Variants in ANKLE2 observed in about 807,000 individuals in gnomAD.
ANKLE2 encodes the protein ankyrin repeat and LEM domain-containing protein 2.
In ANKLE2, 55 loss-of-function variants were observed where a neutral mutation model predicts 84.2. That is an observed-to-expected ratio of 0.65 (90% CI 0.53 to 0.82). The LOEUF (loss-of-function observed/expected upper bound fraction) is 0.82, where lower values mean the gene tolerates loss of function less well. Ranked by LOEUF, ANKLE2 falls within the 40% of genes least tolerant of loss-of-function variation. The pLI, the probability that ANKLE2 is intolerant of heterozygous loss-of-function variation, is 0.00. For synonymous variants in ANKLE2, 551 were observed against 486.1 expected, an observed-to-expected ratio of 1.13 and a Z score of -1.76; for missense variants, 1,238 against 1,201.9, an observed-to-expected ratio of 1.03 and a Z score of -0.44.
intron 8 of ANKLE2, 131 bp from the exon 9 acceptor site, chr12:132,735,643 A>G (rs1447334856): frequency 2.8e-6 from 2 of 709,346 alleles, no homozygotes; most frequent in Non-Finnish European, 4.7e-6. Context: ...CTTCACTAGC[A>G]GATCCCTGGG....
chr12:132,737,201 T>G, intron 7 of ANKLE2, 136 bp from the exon 8 acceptor site: 1 of 915,072 alleles, frequency 1.1e-6, no homozygotes, highest in Non-Finnish European at 1.6e-6. Context: ...AGAGGGTGGT[T>G]TCCGCCAGAG....
chr12:132,740,201 T>C (rs1312219459), intron 7 of ANKLE2, among the ~76,000 whole-genome samples: 1 of 152,200 alleles, frequency 6.6e-6, no homozygotes, highest in Non-Finnish European at 1.5e-5. Context: ...TCAACGGCCC[T>C]GAGGAGGAAC....
At chr12:132,740,817 G>A (rs2044104814) in intron 7 of ANKLE2, among the ~76,000 whole-genome samples, 1 of 80,224 alleles carries the variant, frequency 1.2e-5, no homozygotes, top group Non-Finnish European at 3.8e-5. Flanking sequence ...AGAAAGCAAA[G>A]GCCTCTCTCC....
At chr12:132,750,536 C>A in intron 3 of ANKLE2, 107 bp downstream of exon 3, 1 of 1,223,654 alleles carries the variant, frequency 8.2e-7, no homozygotes, top group East Asian at 2.5e-5. Context: ...CCCATCGACT[C>A]TACCCTCATG....
chr12:132,749,041 A>AG (rs2044300261), intron 3 of ANKLE2: 1 of 152,118 alleles, frequency 6.6e-6, no homozygotes, highest in Non-Finnish European at 1.5e-5. Context: ...CAGTAGGTGG[A>AG]GGAGGAATAA....
rs369378222 is a variant in ANKLE2 at position 132,730,146 on chromosome 12, C to T, written c.2016G>A (p.Thr672=). ...SPPTVGAFGH[T]RCSAFPLEQE... Reference sequence around the variant, plus strand: ...GCTCCAAGGGGAAGGCGCTGCACCTCGTATGTCCAAAAGCACCGACTGTGG... The same window carrying T: ...GCTCCAAGGGGAAGGCGCTGCACCTTGTATGTCCAAAAGCACCGACTGTGG... Residue 672 remains threonine (T), a synonymous_variant, in exon 11 of 13, where the codon ACG becomes ACA. Transcript: ENST00000357997. The T allele has an allele frequency of 8.7e-6, 14 of 1,611,990 alleles. No individual in the cohort carries two copies. The highest frequency in any genetic ancestry group is 2.2e-5 in the East Asian group (1 of 44,874).
At chr12:132,746,492 A>G (rs1376179312) in intron 5 of ANKLE2, among the ~76,000 whole-genome samples, 1 of 152,164 alleles carries the variant, frequency 6.6e-6, no homozygotes, top group Non-Finnish European at 1.5e-5. Flanking sequence ...TACCTGTTCC[A>G]TGAGTTTTTA....
chr12:132,739,384 C>T (rs534738257), intron 7 of ANKLE2, among the ~76,000 whole-genome samples: 7 of 152,100 alleles, frequency 4.6e-5, no homozygotes, highest in Non-Finnish European at 7.4e-5. Flanking sequence ...TTACATATTA[C>T]TATCTTATAT....
intron 9 of ANKLE2, 131 bp downstream of exon 9, chr12:132,735,275 C>G (rs1006121835): frequency 4.7e-6 from 4 of 851,562 alleles, no homozygotes; most frequent in Non-Finnish European, 7.8e-6. Flanking sequence ...TAGACCTTCA[C>G]GAAAAGGACC....
In ANKLE2 at chr12:132,761,805, C is replaced by T. The variant is rs1195937844; in HGVS notation, c.-7G>A. ...CCAGCCGCGGCCACAGCATCGCCGCCGCCCGGGCCGCAGCCGCCGAGAAGC... is the reference window on the plus strand; with the variant it reads ...CCAGCCGCGGCCACAGCATCGCCGCTGCCCGGGCCGCAGCCGCCGAGAAGC... On this transcript the variant is annotated 5_prime_UTR_variant, in exon 1 of 13. Coordinates refer to ENST00000357997, the MANE Select transcript of ANKLE2 (RefSeq NM_015114.3). 1.8e-5 allele frequency: 19 copies of T among 1,057,100 alleles called. No individual in the cohort carries two copies. The East Asian group carries it at 1.2e-3, about 68-fold the overall frequency. 65.5% of individuals were successfully genotyped at this position (1,057,100 alleles called of 1,614,324 possible).
intron 12 of ANKLE2, 57 bp from the exon 13 acceptor site, chr12:132,727,500 C>G: frequency 6.9e-7 from 1 of 1,442,332 alleles, no homozygotes; most frequent in Admixed American, 2.3e-5. Context: ...AGATGAACAG[C>G]AAAAGTCGGA....
intron 2 of ANKLE2, among the ~76,000 whole-genome samples, chr12:132,751,668 G>A (rs972988559): frequency 1.1e-4 from 17 of 151,352 alleles, no homozygotes; most frequent in African/African-American, 3.9e-4. Flanking sequence ...TCAGCCTCCC[G>A]TGTAGCTGGG....
At position 132,726,933 on chromosome 12, in the gene ANKLE2, A is replaced by G. The variant is rs1306487783; in HGVS notation, c.*309T>C. 1 of 364,910 alleles carries G rather than the reference A, an allele frequency of 2.7e-6. No homozygotes were observed. The highest frequency in any genetic ancestry group is 2.1e-5 in the African/African-American group (1 of 48,650). 22.6% of individuals were successfully genotyped at this position (364,910 alleles called of 1,614,324 possible). On this transcript the variant is annotated 3_prime_UTR_variant, in exon 13 of 13. Transcript: ENST00000357997. The stretch of plus-strand genomic sequence containing the variant: ...GTAAGTACAGGGCTGCCTGCCTGCA[A>G]CTGCCTCAGCGCCCTTTCCTCTGCT...
rs758277914 is a variant in ANKLE2, at chr12:132,748,336, C to T, written c.848-5G>A. The T allele has an allele frequency of 6.2e-7, 1 of 1,613,732 alleles. No homozygotes were observed. Among genetic ancestry groups the T allele is most frequent in the Non-Finnish European group, 8.5e-7 (1 of 1,179,860 alleles). ...ATTCCGACAAGCACAAACCATCTGT[C>T]AGTAAGAGACAGAATTTAAGAACAA... On this transcript the variant is annotated splice_polypyrimidine_tract_variant and splice_region_variant and intron_variant, in intron 3 of 12. Transcript: ENST00000357997.
At chr12:132,733,598 A>G (rs1307970731) in intron 10 of ANKLE2, among the ~76,000 whole-genome samples, 31 of 102,758 alleles carry the variant, frequency 3.0e-4, no homozygotes, top group African/African-American at 6.1e-4. Flanking sequence ...AGCACTCTGC[A>G]TCCTGGTGTC....
chr12:132,747,233 C>A (rs114909817), intron 5 of ANKLE2, among the ~76,000 whole-genome samples: 1 of 151,978 alleles, frequency 6.6e-6, no homozygotes. Context: ...CACAGCCCTG[C>A]GTGTCAGGCA....
chr12:132,749,327 C>T (rs569388632), intron 3 of ANKLE2, among the ~76,000 whole-genome samples: 33 of 151,780 alleles, frequency 2.2e-4, no homozygotes, highest in Middle Eastern at 3.4e-3. Flanking sequence ...AGCTAATTTT[C>T]GTATTTTTAA....
At chr12:132,761,558 A>T in intron 1 of ANKLE2, 60 bp downstream of exon 1, 1 of 1,170,516 alleles carries the variant, frequency 8.5e-7, no homozygotes, top group Non-Finnish European at 1.1e-6. Flanking sequence ...AGGCCCGAGG[A>T]GGGCGTCGGG....
Position 132,728,021 on chromosome 12 carries a change from G to C in ANKLE2, c.2615+11C>G. 1 of 1,587,940 alleles carries C rather than the reference G, an allele frequency of 6.3e-7. No individual in the cohort carries two copies. Among genetic ancestry groups the C allele is most frequent in the Non-Finnish European group, 8.5e-7 (1 of 1,170,430 alleles). On this transcript the variant is annotated intron_variant, in intron 12 of 12. Coordinates refer to ENST00000357997, the MANE Select transcript of ANKLE2 (RefSeq NM_015114.3). Reference sequence around the variant, plus strand: ...GCCCTGCGGGTGACAGGCTGTCCGGGCCCCACATACCTCTGTCTGTCCGAG... The same window carrying C: ...GCCCTGCGGGTGACAGGCTGTCCGGCCCCCACATACCTCTGTCTGTCCGAG...
Sources: gnomAD v4.1 joint callset for allele counts (sites outside exome capture counted in the v4.1 genomes callset) on GRCh38, gnomAD v4.1.1 for gene constraint, MANE v1.5 for transcripts, NCBI Gene and HGNC (gene_info 2026-07-23, HGNC 2026-07-21) for gene names.